RESF1: variants seen among roughly 807,000 people sequenced by gnomAD.
RESF1 encodes the protein gonad expressed transcript.
In RESF1, 65 loss-of-function variants were observed where a neutral mutation model predicts 134.7. The ratio of observed to expected loss-of-function variants is 0.48; its 90% CI spans 0.40 to 0.59. The LOEUF is 0.59. RESF1 is among the 20% of genes least tolerant of loss of function. The pLI, the probability that RESF1 is intolerant of heterozygous loss-of-function variation, is 0.00. For synonymous variants in RESF1, 762 were observed against 702.2 expected, an observed-to-expected ratio of 1.09 and a Z score of -1.35; for missense variants, 2,274 against 2,002.7, an observed-to-expected ratio of 1.14 and a Z score of -2.59.
chr12:31,985,827 A>G lies in RESF1; in HGVS notation c.4872A>G (p.Lys1624=). The G allele has an allele frequency of 6.4e-7, 1 of 1,566,580 alleles. No individual in the cohort carries two copies. The highest frequency in any genetic ancestry group is 2.3e-5 in the East Asian group (1 of 44,402). ...ENKHKTFLPV[K]GNTEKSNMLE... is the part of the protein sequence containing the mutation. ...AACATAAGACCTTTTTACCGGTGAA[A>G]GGTAACACAGAAAAATCAAACATGC... Residue 1624 remains lysine, a synonymous_variant, in exon 4 of 6, where the codon AAA becomes AAG. Transcript: ENST00000312561.
chr12:31,966,559 A>T (rs1939400558), intron 2 of RESF1, among the ~76,000 whole-genome samples: 1 of 152,242 alleles, frequency 6.6e-6, no homozygotes, highest in Non-Finnish European at 1.5e-5. Context: ...TGTGATTGCC[A>T]GCACTTCATG....
intron 2 of RESF1, among the ~76,000 whole-genome samples, chr12:31,967,461 C>CT (rs1939421696): frequency 6.6e-6 from 1 of 152,084 alleles, no homozygotes; most frequent in South Asian, 2.1e-4. Flanking sequence ...TTTCGATAAC[C>CT]TGTATTAAGT....
chr12:31,991,784 G>A (rs1940096849), intron 5 of RESF1, among the ~76,000 whole-genome samples: 1 of 152,186 alleles, frequency 6.6e-6, no homozygotes, highest in Admixed American at 6.5e-5. Context: ...CTGGCTTCAT[G>A]TGATCTGCTT....
Position 31,988,751 on chromosome 12 carries a change from C to A in RESF1, c.5086+1429C>A, listed in dbSNP as rs113605693. ...TGTCTCCCAGGCTGGAGTACAGTGG[C>A]ACGATCTCGGCCTTGCTGCAACCTC... On this transcript the variant is annotated intron_variant, in intron 5 of 5. Coordinates refer to ENST00000312561, the MANE Select transcript of RESF1 (RefSeq NM_018169.4). Among the ~76,000 whole-genome samples the A allele has an allele frequency of 4.7e-3, 714 of 152,084 alleles. 5 individuals are homozygous for A. Among genetic ancestry groups the A allele is most frequent in the African/African-American group, 0.016 (684 of 41,480 alleles).
Position 31,981,399 on chromosome 12 carries a change from T to C in RESF1, c.444T>C (p.Asn148=). The C allele has an allele frequency of 1.2e-6, 2 of 1,614,004 alleles. No individual in the cohort carries two copies. Among genetic ancestry groups the C allele is most frequent in the Non-Finnish European group, 8.5e-7 (1 of 1,179,916 alleles). The change falls in exon 4 of 6, where the codon AAT becomes AAC. Residue 148 remains asparagine, a synonymous_variant. Coordinates refer to ENST00000312561, the MANE Select transcript of RESF1 (RefSeq NM_018169.4). The part of the protein sequence containing the change: ...HQTDFGANVP[N]MPALQSQLIT... ...CTGATTTTGGAGCTAACGTACCCAATATGCCGGCACTACAGAGTCAACTGA... is the reference window on the plus strand; with the variant it reads ...CTGATTTTGGAGCTAACGTACCCAACATGCCGGCACTACAGAGTCAACTGA...
chr12:31,991,862 A>G (rs1391900689), intron 5 of RESF1, among the ~76,000 whole-genome samples: 1 of 152,180 alleles, frequency 6.6e-6, no homozygotes, highest in South Asian at 2.1e-4. Flanking sequence ...CATATTTTCA[A>G]TAGGTGATGG....
chr12:31,985,730 G>A lies in RESF1; in HGVS notation c.4775G>A (p.Arg1592His), dbSNP rs974575885. The change falls in exon 4 of 6, where the codon CGT becomes CAT. Residue 1592 changes from arginine to histidine, a missense_variant. Transcript: ENST00000312561. Reference sequence around the variant, plus strand: ...AGAGTTGGGTTTAAATGCACTGAACGTGAAAGCATTTCTCTCACCAAATTA... The same window carrying A: ...AGAGTTGGGTTTAAATGCACTGAACATGAAAGCATTTCTCTCACCAAATTA... ...LNRVGFKCTERESISLTKLES... is the reference protein window; with the variant it reads ...LNRVGFKCTEHESISLTKLES... The A allele has an allele frequency of 3.1e-6, 5 of 1,592,090 alleles. No individual in the cohort carries two copies. The highest frequency in any genetic ancestry group is 3.4e-6 in the Non-Finnish European group (4 of 1,173,842).
chr12:31,972,733 TAC>T (rs1471284672), intron 3 of RESF1, among the ~76,000 whole-genome samples: 2 of 152,190 alleles, frequency 1.3e-5, no homozygotes, highest in African/African-American at 4.8e-5. Flanking sequence ...ACCTGGTGTG[TAC>T]ACTGCAGAAC....
rs368063241 is a variant in RESF1 at position 31,983,619 on chromosome 12, T to C, written c.2664T>C (p.Asp888=). Residue 888 remains aspartate, a synonymous_variant, in exon 4 of 6, where the codon GAT becomes GAC. Transcript: ENST00000312561. ...GGAATAGTACTGTTGTGAGTAGTGA[T>C]ACATTACAGATTGACAATATTTGTT... ...ESRNSTVVSS[D]TLQIDNICSL... is the part of the protein sequence containing the mutation. The C allele has an allele frequency of 5.0e-5, 80 of 1,614,012 alleles. No homozygotes were observed. The highest frequency in any genetic ancestry group is 6.6e-5 in the Non-Finnish European group (78 of 1,179,998).
chr12:31,987,770 CTG>C (rs1940008100), intron 5 of RESF1, among the ~76,000 whole-genome samples: 1 of 152,056 alleles, frequency 6.6e-6, no homozygotes, highest in Admixed American at 6.6e-5. Flanking sequence ...GAGTCTCACT[CTG>C]TCACCCAGGC....
At position 31,959,476 on chromosome 12, in the gene RESF1, C is replaced by A. The variant is rs550787184; in HGVS notation, c.-357C>A. 1 of 152,300 alleles carries A rather than the reference C, an allele frequency of 6.6e-6. No homozygotes were observed. Among genetic ancestry groups the A allele is most frequent in the Non-Finnish European group, 1.5e-5 (1 of 68,112 alleles). The allele number at this position is 152,300 out of a possible 1,614,324, so 9.4% of individuals were successfully genotyped here. A position where few individuals can be genotyped will look rare whatever the true frequency, so the allele number is the denominator to read the frequency against. On this transcript the variant is annotated 5_prime_UTR_variant, in exon 1 of 6. Transcript: ENST00000312561. ...TTTTCTCCCCGCTTGCCGGGGTGGTCCTCTTCCCTTTGTCGGTAAGTGTGA... is the reference window on the plus strand; with the variant it reads ...TTTTCTCCCCGCTTGCCGGGGTGGTACTCTTCCCTTTGTCGGTAAGTGTGA...
chr12:31,974,161 A>G (rs1308582050), intron 3 of RESF1, among the ~76,000 whole-genome samples: 1 of 151,866 alleles, frequency 6.6e-6, no homozygotes, highest in African/African-American at 2.4e-5. Context: ...TGCCCTCTCC[A>G]GGTGCTGCCC....
Position 31,982,331 on chromosome 12 carries a change from C to T in RESF1, c.1376C>T (p.Pro459Leu). The change falls in exon 4 of 6, where the codon CCA becomes CTA. Residue 459 changes from proline to leucine, a missense_variant. Pro to Leu is a moderately conservative substitution (Grantham distance 98, BLOSUM62 -3). Transcript: ENST00000312561. Reference sequence around the variant, plus strand: ...ATCCAGTCTGGACCCCAGATAACTCCAGTAATGCCAGAGAATGCAGAGAGA... The same window carrying T: ...ATCCAGTCTGGACCCCAGATAACTCTAGTAATGCCAGAGAATGCAGAGAGA... ...AKIQSGPQIT[P>L]VMPENAERQT... The T allele has an allele frequency of 6.2e-7, 1 of 1,614,104 alleles. No individual in the cohort carries two copies. Among genetic ancestry groups the T allele is most frequent in the Non-Finnish European group, 8.5e-7 (1 of 1,180,032 alleles).
At chr12:31,960,059 T>TC (rs1939224641) in intron 1 of RESF1, among the ~76,000 whole-genome samples, 1 of 151,902 alleles carries the variant, frequency 6.6e-6, no homozygotes, top group South Asian at 2.1e-4. Context: ...GGCATCTATC[T>TC]CCAAGTGGTC....
chr12:31,990,584 G>A (rs1173656151), intron 5 of RESF1, among the ~76,000 whole-genome samples: 2 of 152,158 alleles, frequency 1.3e-5, no homozygotes, highest in Non-Finnish European at 2.9e-5. Context: ...CTCCTGAGTA[G>A]CGTGAACCAC....
intron 2 of RESF1, among the ~76,000 whole-genome samples, chr12:31,965,190 C>G (rs966604018): frequency 6.6e-6 from 1 of 152,172 alleles, no homozygotes; most frequent in Non-Finnish European, 1.5e-5. Flanking sequence ...CTTCTGACCT[C>G]AAGTGATCAG....
Position 31,984,817 on chromosome 12 carries a change from C to T in RESF1, c.3862C>T (p.Pro1288Ser), listed in dbSNP as rs1172259113. Residue 1288 changes from proline to serine, a missense_variant, in exon 4 of 6, where the codon CCC becomes TCC. Coordinates refer to ENST00000312561, the MANE Select transcript of RESF1 (RefSeq NM_018169.4). ...QFSSKCDKLN[P>S]LQNHKRKKLR... ...TTCATCTAAATGTGATAAACTAAAT[C>T]CCTTGCAAAATCACAAAAGAAAAAA... is the stretch of plus-strand genomic sequence containing the variant. 1 of 1,606,772 alleles carries T rather than the reference C, an allele frequency of 6.2e-7. No individual in the cohort carries two copies. Among genetic ancestry groups the T allele is most frequent in the Non-Finnish European group, 8.5e-7 (1 of 1,178,432 alleles).
At chr12:31,972,319 A>G (rs1326870816) in intron 3 of RESF1, among the ~76,000 whole-genome samples, 2 of 151,494 alleles carry the variant, frequency 1.3e-5, no homozygotes, top group Non-Finnish European at 2.9e-5. Context: ...AGTGGGGGGC[A>G]GTCTCGGCTG....
chr12:31,989,831 G>A (rs1026458510), intron 5 of RESF1, among the ~76,000 whole-genome samples: 3 of 152,098 alleles, frequency 2.0e-5, no homozygotes, highest in Admixed American at 1.3e-4. Context: ...CAGCTTGGGC[G>A]ACAGAGCAAA....
Sources: gnomAD v4.1 joint callset for allele counts (sites outside exome capture counted in the v4.1 genomes callset) on GRCh38, gnomAD v4.1.1 for gene constraint, MANE v1.5 for transcripts, NCBI Gene and HGNC (gene_info 2026-07-23, HGNC 2026-07-21) for gene names.